LGALS9B: variants seen among roughly 807,000 people sequenced by gnomAD.
LGALS9B encodes the protein galectin 9B, also known as galectin-9B.
Under a neutral mutation model 35.9 loss-of-function variants are expected in LGALS9B, and 8 were observed. The observed-to-expected ratio is 0.22, with a 90% confidence interval of 0.13 to 0.40. LGALS9B has a LOEUF of 0.40. Among genes scored for constraint, LGALS9B ranks in the 10% least tolerant of loss-of-function variants. LGALS9B has a pLI of 1.00. For synonymous variants in LGALS9B, 42 were observed against 148.6 expected, an observed-to-expected ratio of 0.28 and a Z score of 5.22; for missense variants, 101 against 397.9, an observed-to-expected ratio of 0.25 and a Z score of 6.35.
In LGALS9B at chr17:20,460,361, C is replaced by G; in HGVS notation, c.122G>C (p.Ser41Thr). The change falls in exon 2 of 11, where the codon AGT (serine) becomes ACT (threonine). Residue 41 changes from serine (S) to threonine (T), a missense_variant. Transcript: ENST00000423676. ...ATCCATATACACACACCTGGTTCCA[C>G]TGGAGCTGAGAACGGCCCCATTGAC... ...ITVNGAVLSS[S>T]GTRFAVDFQT... 6.2e-7 allele frequency: 1 copy of G among 1,602,002 alleles called. No individual in the cohort carries two copies. Among genetic ancestry groups the G allele is most frequent in the Non-Finnish European group, 8.5e-7 (1 of 1,171,080 alleles).
chr17:20,461,447 A>G (rs577578677), intron 1 of LGALS9B, among the ~76,000 whole-genome samples: 5 of 152,186 alleles, frequency 3.3e-5, no homozygotes, highest in African/African-American at 9.6e-5. Context: ...GGTACTTCCA[A>G]TCTTCAAAGT....
intron 1 of LGALS9B, among the ~76,000 whole-genome samples, chr17:20,464,955 G>A (rs1369617042): frequency 1.3e-5 from 2 of 152,210 alleles, no homozygotes; most frequent in Non-Finnish European, 2.9e-5. Flanking sequence ...AGAGGACGGG[G>A]TGCGATGCCA....
chr17:20,461,762 C>T (rs1216164254), intron 1 of LGALS9B, among the ~76,000 whole-genome samples: 1 of 76,572 alleles, frequency 1.3e-5, no homozygotes, highest in Non-Finnish European at 2.7e-5. Flanking sequence ...GCAGAACTTC[C>T]AAATTTTTAA....
At chr17:20,467,141 A>G (rs2042768493) in intron 1 of LGALS9B, among the ~76,000 whole-genome samples, 1 of 142,832 alleles carries the variant, frequency 7.0e-6, no homozygotes, top group African/African-American at 2.7e-5. Context: ...TCCTCTTTAC[A>G]CAAACCATCC....
chr17:20,457,243 A>G (rs1425448163), intron 3 of LGALS9B: 2 of 52,712 alleles, frequency 3.8e-5, no homozygotes, highest in African/African-American at 9.9e-5. Flanking sequence ...AAGTGCTTGG[A>G]TTATAAGGGT....
At chr17:20,451,706 C>T in intron 9 of LGALS9B, 63 bp from the exon 10 acceptor site, 1 of 1,380,136 alleles carries the variant, frequency 7.2e-7, no homozygotes, top group South Asian at 1.2e-5. Flanking sequence ...TCCTCCCCAT[C>T]ATCGCCAGCC....
chr17:20,464,093 G>GTTT lies in LGALS9B; in HGVS notation c.39+3336_39+3338dup, dbSNP rs59320210. The stretch of plus-strand genomic sequence containing the variant: ...GGGGTTTTGTTTGTTTGTTTGTTGT[G>GTTT]TTTTTTTTTTTTTTTTTTTTTTGAG... On this transcript the variant is annotated intron_variant, in intron 1 of 10. Transcript: ENST00000423676. Among the ~76,000 whole-genome samples the GTTT allele has an allele frequency of 6.5e-3, 583 of 89,794 alleles. 36 individuals are homozygous for GTTT. Among genetic ancestry groups the GTTT allele is most frequent in the African/African-American group, 0.027 (504 of 18,456 alleles). The allele number at this position is 89,794 out of a possible 152,430, so 58.9% of individuals were successfully genotyped here.
chr17:20,466,045 G>C (rs1243358831), intron 1 of LGALS9B, among the ~76,000 whole-genome samples: 2 of 151,786 alleles, frequency 1.3e-5, no homozygotes, highest in Non-Finnish European at 2.9e-5. Context: ...GTAAAAACCA[G>C]TTACCAGAAT....
At chr17:20,461,180 G>A (rs1290736165) in intron 1 of LGALS9B, among the ~76,000 whole-genome samples, 1 of 151,432 alleles carries the variant, frequency 6.6e-6, no homozygotes, top group Non-Finnish European at 1.5e-5. Flanking sequence ...GGTGAGGCAT[G>A]CATCGTTTTG....
intron 1 of LGALS9B, among the ~76,000 whole-genome samples, chr17:20,464,959 G>A (rs1160747810): frequency 5.9e-5 from 9 of 152,102 alleles, no homozygotes; most frequent in South Asian, 2.1e-4. Context: ...GACGGGGTGC[G>A]ATGCCATGTG....
intron 1 of LGALS9B, among the ~76,000 whole-genome samples, chr17:20,461,479 C>A (rs1205353629): frequency 6.6e-6 from 1 of 151,364 alleles, no homozygotes; most frequent in Non-Finnish European, 1.5e-5. Flanking sequence ...TGCCTCATAT[C>A]CGGTGTGGTT....
intron 10 of LGALS9B, among the ~76,000 whole-genome samples, chr17:20,451,155 T>C (rs897138197): frequency 5.9e-5 from 9 of 151,276 alleles, no homozygotes; most frequent in Admixed American, 1.3e-4. Context: ...CGGGCGACAG[T>C]GAAATCGTTG....
chr17:20,465,794 C>T lies in LGALS9B; in HGVS notation c.39+1638G>A, dbSNP rs1437673766. ...CCCTCCTCAGCAGGACAGTGAACCG[C>T]GTGACCTTCCCCCACTGTCGGCATG... On this transcript the variant is annotated intron_variant, in intron 1 of 10. Transcript: ENST00000423676. Among the ~76,000 whole-genome samples the T allele has an allele frequency of 3.7e-5, 5 of 136,478 alleles. 1 individual carries two copies. Among genetic ancestry groups the T allele is most frequent in the Non-Finnish European group, 7.9e-5 (5 of 63,014 alleles). The allele number at this position is 136,478 out of a possible 152,430, so 89.5% of individuals were successfully genotyped here.
chr17:20,461,782 G>A (rs2042730874), intron 1 of LGALS9B, among the ~76,000 whole-genome samples: 1 of 73,694 alleles, frequency 1.4e-5, no homozygotes, highest in Non-Finnish European at 2.7e-5. Context: ...AGATGAGACA[G>A]AAACCTGAAT....
At chr17:20,454,149 T>TAGGGCC (rs2042669306) in intron 5 of LGALS9B, among the ~76,000 whole-genome samples, 1 of 129,818 alleles carries the variant, frequency 7.7e-6, no homozygotes, top group Admixed American at 8.0e-5. Context: ...CTGTCATCCC[T>TAGGGCC]AGGGCCAGGG....
In LGALS9B at chr17:20,451,648, G is replaced by A. The variant is rs779003267; in HGVS notation, c.762-5C>T. The A allele has an allele frequency of 1.3e-5, 20 of 1,599,034 alleles. No individual in the cohort carries two copies. The highest frequency in any genetic ancestry group is 4.5e-5 in the East Asian group (2 of 44,772). On this transcript the variant is annotated splice_region_variant and splice_polypyrimidine_tract_variant and intron_variant, in intron 9 of 10. Coordinates refer to ENST00000423676, the MANE Select transcript of LGALS9B (RefSeq NM_001367292.2). ...GAGCACAGGTTGATGTGGAACCTGC[G>A]GTGGGCAGCCTACCTGGACCTTTGT... is the stretch of plus-strand genomic sequence containing the variant.
intron 1 of LGALS9B, among the ~76,000 whole-genome samples, chr17:20,464,076 GT>G (rs1472339237): frequency 1.5e-5 from 2 of 134,250 alleles, no homozygotes; most frequent in African/African-American, 5.6e-5. Context: ...TGGGGGTTTT[GT>G]TTGTTTGTTT....
chr17:20,456,139 A>G (rs2042689157), intron 4 of LGALS9B, among the ~76,000 whole-genome samples: 1 of 152,068 alleles, frequency 6.6e-6, no homozygotes, highest in African/African-American at 2.4e-5. Context: ...ACAACCACCC[A>G]TGGGGGCCAG....
At chr17:20,464,856 A>T (rs2042750585) in intron 1 of LGALS9B, among the ~76,000 whole-genome samples, 1 of 152,166 alleles carries the variant, frequency 6.6e-6, no homozygotes, top group African/African-American at 2.4e-5. Flanking sequence ...GACTGGGTGC[A>T]ATGCTGTGTG....
Sources: allele counts gnomAD v4.1 joint callset (sites outside exome capture counted in the v4.1 genomes callset), GRCh38; gene constraint gnomAD v4.1.1; transcripts MANE v1.5; gene names NCBI Gene and HGNC (gene_info 2026-07-23, HGNC 2026-07-21).